Variants in KCNH7 observed in about 807,000 individuals in gnomAD.
KCNH7 encodes potassium voltage-gated channel subfamily H member 7.
A neutral mutation model predicts 120.8 loss-of-function variants in KCNH7; 49 were observed. The ratio of observed to expected loss-of-function variants is 0.41; its 90% CI spans 0.32 to 0.51. The LOEUF is 0.51. Among genes scored for constraint, KCNH7 ranks in the 20% least tolerant of loss-of-function variants. KCNH7 has a pLI of 0.38. For missense variants in KCNH7, 1,097 were observed against 1,446.6 expected, an observed-to-expected ratio of 0.76 and a Z score of 3.92; for synonymous variants, 547 against 516.1, an observed-to-expected ratio of 1.06 and a Z score of -0.81.
chr2:162,585,644 A>G (rs955846857), intron 2 of KCNH7, among the ~76,000 whole-genome samples: 6 of 152,036 alleles, frequency 3.9e-5, no homozygotes, highest in Non-Finnish European at 5.9e-5. Flanking sequence ...TCTATCTAGT[A>G]TAAATAGACA....
chr2:162,567,015 T>A (rs371761712), intron 2 of KCNH7, among the ~76,000 whole-genome samples: 2 of 151,976 alleles, frequency 1.3e-5, no homozygotes, highest in South Asian at 4.1e-4. Context: ...GGCAGGCCTG[T>A]TAGTATACCT....
At chr2:162,716,029 A>G in intron 2 of KCNH7, among the ~76,000 whole-genome samples, 1 of 152,046 alleles carries the variant, frequency 6.6e-6, no homozygotes, top group East Asian at 1.9e-4. Context: ...TTTTTAAAAC[A>G]AATTAAAAAT....
chr2:162,563,300 C>G (rs1188816664), intron 2 of KCNH7, among the ~76,000 whole-genome samples: 1 of 152,106 alleles, frequency 6.6e-6, no homozygotes, highest in African/African-American at 2.4e-5. Flanking sequence ...ACACATAGAT[C>G]GTACCATTTA....
intron 2 of KCNH7, among the ~76,000 whole-genome samples, chr2:162,714,529 A>T (rs1218543357): frequency 5.9e-5 from 9 of 152,258 alleles, no homozygotes; most frequent in Non-Finnish European, 1.3e-4. Context: ...GAAGTGACTC[A>T]ATAACCAGGC....
At chr2:162,392,015 T>C (rs1198493158) in intron 12 of KCNH7, among the ~76,000 whole-genome samples, 1 of 152,016 alleles carries the variant, frequency 6.6e-6, no homozygotes, top group East Asian at 1.9e-4. Flanking sequence ...AATCAATAAT[T>C]AGTCCAATTC....
chr2:162,804,766 C>CAAAAAAAAAAAAAAAGAAAAAA (rs200041293), intron 2 of KCNH7, among the ~76,000 whole-genome samples: 1 of 143,432 alleles, frequency 7.0e-6, no homozygotes. Context: ...CATATGGAAC[C>CAAAAAAAAAAAAAAAGAAAAAA]AAAAAAAAAA....
chr2:162,441,684 C>T (rs932207826), intron 7 of KCNH7, among the ~76,000 whole-genome samples: 3 of 152,100 alleles, frequency 2.0e-5, no homozygotes, highest in South Asian at 2.1e-4. Context: ...AAATATGAGG[C>T]GGATAATCAA....
chr2:162,804,953 C>T (rs1447495171), intron 2 of KCNH7, among the ~76,000 whole-genome samples: 8 of 151,708 alleles, frequency 5.3e-5, no homozygotes, highest in Admixed American at 2.0e-4. Context: ...ATTCTTATAA[C>T]CAACTTATCT....
intron 2 of KCNH7, among the ~76,000 whole-genome samples, chr2:162,694,477 A>AGTGTGTGTGTGTGTGT (rs71009366): frequency 8.9e-4 from 130 of 146,396 alleles, no homozygotes; most frequent in African/African-American, 3.1e-3. Flanking sequence ...TGTGTGAAAG[A>AGTGTGTGTGTGTGTGT]GTGTGTGTGT....
chr2:162,492,829 C>G (rs993846722), intron 6 of KCNH7, among the ~76,000 whole-genome samples: 1 of 127,884 alleles, frequency 7.8e-6, no homozygotes, highest in Non-Finnish European at 1.6e-5. Context: ...ATAGATATAT[C>G]TAAAAGGACT....
intron 5 of KCNH7, among the ~76,000 whole-genome samples, chr2:162,507,797 T>C (rs1276330893): frequency 6.6e-6 from 1 of 151,642 alleles, no homozygotes; most frequent in African/African-American, 2.4e-5. Context: ...TAATTAAATT[T>C]TAGTTACTTC....
intron 2 of KCNH7, among the ~76,000 whole-genome samples, chr2:162,734,391 A>T (rs999416971): frequency 6.6e-6 from 1 of 152,114 alleles, no homozygotes; most frequent in African/African-American, 2.4e-5. Flanking sequence ...ACAATTTTTA[A>T]TGAGAAATTA....
chr2:162,818,301 G>A (rs571199718), intron 2 of KCNH7, among the ~76,000 whole-genome samples: 9 of 151,836 alleles, frequency 5.9e-5, no homozygotes, highest in Admixed American at 2.6e-4. Context: ...TAATGCAGGG[G>A]TCAATATTTA....
At chr2:162,745,318 T>C (rs1409593295) in intron 2 of KCNH7, among the ~76,000 whole-genome samples, 1 of 152,174 alleles carries the variant, frequency 6.6e-6, no homozygotes, top group Non-Finnish European at 1.5e-5. Flanking sequence ...CCTCTACTCG[T>C]TTACTGCATT....
At chr2:162,535,293 C>T (rs1692069032) in intron 3 of KCNH7, among the ~76,000 whole-genome samples, 1 of 151,630 alleles carries the variant, frequency 6.6e-6, no homozygotes, top group African/African-American at 2.4e-5. Flanking sequence ...AAATATAAAA[C>T]AATTTTTATT....
rs1281976046 is a variant in KCNH7 at position 162,644,517 on chromosome 2, G to A, written c.308-107437C>T. The stretch of plus-strand genomic sequence containing the variant: ...TCCTGTCCTGAATATAACCAAAACG[G>A]TACTTCAGTGGTTTGAAATCTGACC... On this transcript the variant is annotated intron_variant, in intron 2 of 15. Transcript: ENST00000332142. Among the ~76,000 whole-genome samples the A allele has an allele frequency of 2.6e-5, 4 of 152,038 alleles. No homozygotes were observed. In the East Asian group the frequency reaches 7.7e-4, roughly 29 times the overall value.
At chr2:162,424,230 T>G (rs1687789647) in intron 8 of KCNH7, among the ~76,000 whole-genome samples, 1 of 152,128 alleles carries the variant, frequency 6.6e-6, no homozygotes, top group Non-Finnish European at 1.5e-5. Flanking sequence ...ATAGAACACA[T>G]TTTTGTTCTT....
At chr2:162,825,480 G>A (rs1685248490) in intron 2 of KCNH7, among the ~76,000 whole-genome samples, 1 of 151,864 alleles carries the variant, frequency 6.6e-6, no homozygotes, top group South Asian at 2.1e-4. Flanking sequence ...CATAAAATGT[G>A]CAGTTAAATA....
At chr2:162,551,696 C>G (rs1692673584) in intron 2 of KCNH7, among the ~76,000 whole-genome samples, 1 of 151,976 alleles carries the variant, frequency 6.6e-6, no homozygotes, top group South Asian at 2.1e-4. Flanking sequence ...ACGTATTGGA[C>G]AAAAATATTA....
Sources: gnomAD v4.1 joint callset for allele counts (sites outside exome capture counted in the v4.1 genomes callset) on GRCh38, gnomAD v4.1.1 for gene constraint, MANE v1.5 for transcripts, NCBI Gene and HGNC (gene_info 2026-07-23, HGNC 2026-07-21) for gene names.